The following IL1RAPL1 variants were observed in gnomAD, a reference collection of about 807,000 sequenced individuals.
The protein encoded by IL1RAPL1 is interleukin-1 receptor accessory protein-like 1.
A neutral mutation model predicts 48.4 loss-of-function variants in IL1RAPL1; 3 were observed. The ratio of observed to expected loss-of-function variants is 0.06; its 90% CI spans 0.03 to 0.16. IL1RAPL1 has a LOEUF of 0.16. IL1RAPL1 is among the 10% of genes least tolerant of loss of function. IL1RAPL1 has a pLI of 1.00. For synonymous variants in IL1RAPL1, 185 were observed against 187.7 expected, an observed-to-expected ratio of 0.99 and a Z score of 0.12; for missense variants, 349 against 530.6, an observed-to-expected ratio of 0.66 and a Z score of 3.36.
intron 6 of IL1RAPL1, among the ~76,000 whole-genome samples, chrX:29,680,004 A>G (rs1926402435): frequency 8.9e-6 from 1 of 111,957 alleles, no homozygotes; most frequent in South Asian, 3.7e-4. Context: ...TAATCCAGAA[A>G]TTTTATTTTT....
At chrX:29,099,660 C>T (rs1928291949) in intron 2 of IL1RAPL1, among the ~76,000 whole-genome samples, 1 of 111,484 alleles carries the variant, frequency 9.0e-6, no homozygotes, top group African/African-American at 3.3e-5. Flanking sequence ...AGTTCATCAG[C>T]TATGCTAGTG....
chrX:29,059,792 A>T (rs1451312056), intron 2 of IL1RAPL1, among the ~76,000 whole-genome samples: 1 of 111,736 alleles, frequency 8.9e-6, no homozygotes, highest in African/African-American at 3.3e-5. Context: ...TCACTTGTTG[A>T]TTTGGGAGAG....
chrX:29,113,798 G>A (rs1316961895), intron 2 of IL1RAPL1, among the ~76,000 whole-genome samples: 2 of 111,102 alleles, frequency 1.8e-5, no homozygotes, highest in Admixed American at 1.9e-4. Context: ...GAGGGGGCTT[G>A]TATGCAGATG....
intron 2 of IL1RAPL1, among the ~76,000 whole-genome samples, chrX:29,018,164 ACT>A (rs1274581535): frequency 4.5e-5 from 5 of 110,756 alleles, no homozygotes; most frequent in Admixed American, 9.6e-5. Flanking sequence ...CTACATTTCC[ACT>A]CTCATTGTTT....
intron 5 of IL1RAPL1, among the ~76,000 whole-genome samples, chrX:29,467,777 G>A (rs1779141476): frequency 8.9e-6 from 1 of 112,429 alleles, no homozygotes; most frequent in Non-Finnish European, 1.9e-5. Context: ...AAGGTTTTGA[G>A]TACAGTGTCC....
chrX:29,734,291 C>A (rs1479333488), intron 6 of IL1RAPL1, among the ~76,000 whole-genome samples: 2 of 112,462 alleles, frequency 1.8e-5, no homozygotes, highest in Non-Finnish European at 3.8e-5. Context: ...AACAAATCAT[C>A]ATTTAAATAA....
chrX:29,518,875 G>A (rs1298243622), intron 5 of IL1RAPL1, among the ~76,000 whole-genome samples: 2 of 112,179 alleles, frequency 1.8e-5, no homozygotes, highest in African/African-American at 6.5e-5. Flanking sequence ...CAGGATAGAA[G>A]CAGTGAGACC....
chrX:29,667,494 T>C (rs1030936599), intron 5 of IL1RAPL1, among the ~76,000 whole-genome samples: 3 of 112,155 alleles, frequency 2.7e-5, no homozygotes, highest in Non-Finnish European at 3.8e-5. Context: ...CCTTAAATGA[T>C]AATTTATATA....
intron 1 of IL1RAPL1, among the ~76,000 whole-genome samples, chrX:28,646,611 A>G (rs762949454): frequency 4.6e-4 from 52 of 112,428 alleles, no homozygotes; most frequent in Non-Finnish European, 7.9e-4. Flanking sequence ...GCAGTGTGGC[A>G]ATTCTGAATA....
At chrX:28,779,632 G>GTATATATATATATATATATATATATATA (rs1208199471) in intron 1 of IL1RAPL1, among the ~76,000 whole-genome samples, 1 of 54,653 alleles carries the variant, frequency 1.8e-5, no homozygotes, top group South Asian at 1.1e-3. Flanking sequence ...GTGTGTGTGT[G>GTATATATATATATATATATATATATATA]TGTATATATA....
intron 3 of IL1RAPL1, among the ~76,000 whole-genome samples, chrX:29,354,423 C>T (rs1933275013): frequency 8.9e-6 from 1 of 111,940 alleles, no homozygotes. Context: ...CTACCTTAAA[C>T]ATGTTCAGCA....
In IL1RAPL1 at chrX:29,053,808, C is replaced by T. The variant is rs1255163357; in HGVS notation, c.83-229130C>T. On this transcript the variant is annotated intron_variant, in intron 2 of 10. Transcript: ENST00000378993. ...TATGGCTAGTCAGTTATCTTAGCAC[C>T]ATTTATTGAATAGAAAGTCCTTTTT... 3.0e-5 allele frequency among the ~76,000 whole-genome samples: 3 copies of T among 101,190 alleles called. No individual in the cohort carries two copies. In the Admixed American group the frequency reaches 3.3e-4, roughly 11 times the overall value. 87.9% of individuals were successfully genotyped at this position (101,190 alleles called of 115,157 possible). A position where few individuals can be genotyped will look rare whatever the true frequency, so the allele number is the denominator to read the frequency against.
intron 2 of IL1RAPL1, among the ~76,000 whole-genome samples, chrX:29,248,842 C>T (rs1931560633): frequency 8.9e-6 from 1 of 111,829 alleles, no homozygotes; most frequent in Non-Finnish European, 1.9e-5. Flanking sequence ...CTCATTCATA[C>T]ACATTCATGC....
chrX:28,836,630 G>T (rs5985922), intron 2 of IL1RAPL1, among the ~76,000 whole-genome samples: 7,210 of 108,895 alleles, frequency 0.066, 660 homozygotes, highest in African/African-American at 0.23. Flanking sequence ...CCAATGAAAG[G>T]CTTAAAATAA....
chrX:29,475,078 AT>A (rs1374407468), intron 5 of IL1RAPL1, among the ~76,000 whole-genome samples: 1 of 112,158 alleles, frequency 8.9e-6, no homozygotes, highest in Non-Finnish European at 1.9e-5. Flanking sequence ...CTCCAGAAAT[AT>A]TTGTTACGTG....
At chrX:28,966,051 C>T (rs780025519) in intron 2 of IL1RAPL1, among the ~76,000 whole-genome samples, 29 of 111,290 alleles carry the variant, frequency 2.6e-4, no homozygotes, top group Non-Finnish European at 5.1e-4. Context: ...AATTAAGGTG[C>T]GTTACCTTAG....
intron 8 of IL1RAPL1, among the ~76,000 whole-genome samples, chrX:29,921,192 A>G (rs1018910476): frequency 1.8e-5 from 2 of 112,353 alleles, no homozygotes; most frequent in African/African-American, 6.5e-5. Context: ...TTGTTTGTGT[A>G]TATTACAAGA....
At chrX:29,124,139 C>T (rs184578076) in intron 2 of IL1RAPL1, among the ~76,000 whole-genome samples, 198 of 111,458 alleles carry the variant, frequency 1.8e-3, no homozygotes, top group African/African-American at 5.8e-3. Flanking sequence ...GCACAAGTAA[C>T]GGAAATATAC....
intron 2 of IL1RAPL1, among the ~76,000 whole-genome samples, chrX:28,837,154 T>C (rs955291706): frequency 6.3e-5 from 7 of 111,653 alleles, no homozygotes; most frequent in Admixed American, 4.8e-4. Context: ...CACACTAATA[T>C]AGGCATTACC....
Sources: gnomAD v4.1 joint callset for allele counts (sites outside exome capture counted in the v4.1 genomes callset) on GRCh38, gnomAD v4.1.1 for gene constraint, MANE v1.5 for transcripts, NCBI Gene and HGNC (gene_info 2026-07-23, HGNC 2026-07-21) for gene names.